Variants in PIAS2 observed in about 807,000 individuals in gnomAD.
The protein encoded by PIAS2 is E3 SUMO-protein ligase PIAS2.
PIAS2 carries 19 observed loss-of-function variants against 69.7 expected under a neutral mutation model. The ratio of observed to expected loss-of-function variants is 0.27; its 90% confidence interval spans 0.19 to 0.40. The LOEUF is 0.40. Ranked by LOEUF, PIAS2 falls within the 10% of genes least tolerant of loss-of-function variation. The pLI, the probability that PIAS2 is intolerant of heterozygous loss-of-function variation, is 1.00. For missense variants in PIAS2, 624 were observed against 757.0 expected (o/e 0.82, Z 2.06); for synonymous variants, 261 against 263.2 (o/e 0.99, Z 0.08).
At chr18:46,903,981 A>G (rs1479924018) in intron 1 of PIAS2, 4 of 152,230 alleles carry the variant, frequency 2.6e-5, no homozygotes, top group Non-Finnish European at 5.9e-5. Flanking sequence ...CCACTGTGTG[A>G]TTCTATTTAT....
intron 2 of PIAS2, among the ~76,000 whole-genome samples, chr18:46,878,021 G>A (rs1250277909): frequency 1.3e-5 from 2 of 152,154 alleles, no homozygotes; most frequent in Non-Finnish European, 2.9e-5. Flanking sequence ...TACTAAATGA[G>A]TAGGCTACTG....
Position 46,815,463 on chromosome 18 carries a change from C to T in PIAS2, c.1649-114G>A. 3 of 1,554,082 alleles carry T rather than the reference C, an allele frequency of 1.9e-6. No homozygotes were observed. The South Asian group carries it at 3.6e-5, about 19-fold the overall frequency. On this transcript the variant is annotated intron_variant, in intron 12 of 13. Coordinates refer to ENST00000585916, the MANE Select transcript of PIAS2 (RefSeq NM_004671.5). ...ACATTTGTGGTAAGTGCTTACCACT[C>T]TGTCACAGAGAAGTTCTATACCATG...
At chr18:46,851,182 G>C (rs562850287) in intron 5 of PIAS2, among the ~76,000 whole-genome samples, 14 of 152,274 alleles carry the variant, frequency 9.2e-5, no homozygotes, top group Admixed American at 2.0e-4. Context: ...ATAAATCCAT[G>C]AACTCAGAAA....
intron 11 of PIAS2, among the ~76,000 whole-genome samples, chr18:46,824,379 T>A (rs1366813565): frequency 6.6e-6 from 1 of 152,200 alleles, no homozygotes; most frequent in Non-Finnish European, 1.5e-5. Context: ...TTATCCTTAT[T>A]ATGTTTCCTG....
At chr18:46,855,103 TAAAAAAAAAAAAAAA>T (rs59957336) in intron 5 of PIAS2, among the ~76,000 whole-genome samples, 15 of 76,348 alleles carry the variant, frequency 2.0e-4, no homozygotes, top group African/African-American at 2.3e-4. Context: ...CTTGTCTCTT[TAAAAAAAAAAAAAAA>T]AAAAAAAAAA....
chr18:46,864,863 G>A (rs191002734), intron 2 of PIAS2, among the ~76,000 whole-genome samples: 1 of 151,768 alleles, frequency 6.6e-6, no homozygotes, highest in African/African-American at 2.4e-5. Flanking sequence ...CTAATGAAAG[G>A]AAGTCAAAAT....
Position 46,803,871 on chromosome 18 carries a change from C to G in PIAS2, c.*8562G>C, listed in dbSNP as rs1390922635. 1 of 152,088 alleles carries G rather than the reference C, an allele frequency of 6.6e-6. No individual in the cohort carries two copies. Among genetic ancestry groups the G allele is most frequent in the Non-Finnish European group, 1.5e-5 (1 of 68,040 alleles). The allele number at this position is 152,088 out of a possible 1,614,324, so 9.4% of individuals were successfully genotyped here. A position where few individuals can be genotyped will look rare whatever the true frequency, so the allele number is the denominator to read the frequency against. ...TTAATACACCTACTCCCATATTATC[C>G]CCACTGTGCACTGCTCTACCCACCC... On this transcript the variant is annotated 3_prime_UTR_variant, in exon 14 of 14. Coordinates refer to ENST00000585916, the MANE Select transcript of PIAS2 (RefSeq NM_004671.5).
At chr18:46,823,313 A>G (rs1381847364) in intron 11 of PIAS2, among the ~76,000 whole-genome samples, 2 of 152,050 alleles carry the variant, frequency 1.3e-5, no homozygotes, top group Admixed American at 1.3e-4. Flanking sequence ...GTACAAGAAA[A>G]AGCTAATGAA....
chr18:46,818,362 T>A, intron 12 of PIAS2: 1 of 1,533,430 alleles, frequency 6.5e-7, no homozygotes. Flanking sequence ...ACAAATTATT[T>A]GTTTTATTTT....
Position 46,820,982 on chromosome 18 carries a change from T to C in PIAS2, c.1599A>G (p.Ser533=), listed in dbSNP as rs1228212027. The C allele has an allele frequency of 1.2e-6, 2 of 1,613,484 alleles. No individual in the cohort carries two copies. Among genetic ancestry groups the C allele is most frequent in the East Asian group, 2.2e-5 (1 of 44,872 alleles). The part of the protein sequence containing the change: ...AAIPPSLTDY[S]VPFHHTPISS... The stretch of plus-strand genomic sequence containing the variant: ...ATATTGGCGTATGGTGGAATGGTAC[T>C]GAGTAGTCTGTTAATGAAGGCGGAA... Residue 533 remains serine, a synonymous_variant, in exon 12 of 14, where the codon TCA becomes TCG. Coordinates refer to ENST00000585916, the MANE Select transcript of PIAS2 (RefSeq NM_004671.5).
At chr18:46,912,903 T>C (rs888017409) in intron 1 of PIAS2, among the ~76,000 whole-genome samples, 5 of 152,074 alleles carry the variant, frequency 3.3e-5, no homozygotes, top group African/African-American at 1.2e-4. Context: ...AATGAGAGAA[T>C]AAAAAATGTG....
At chr18:46,873,486 G>A (rs912112030) in intron 2 of PIAS2, among the ~76,000 whole-genome samples, 3 of 152,180 alleles carry the variant, frequency 2.0e-5, no homozygotes, top group Non-Finnish European at 2.9e-5. Context: ...AGAAGCTCTT[G>A]CAGAAGTAGA....
chr18:46,872,933 TCCCTAGAAAAA>T (rs1272437840), intron 2 of PIAS2, among the ~76,000 whole-genome samples: 1 of 152,104 alleles, frequency 6.6e-6, no homozygotes, highest in African/African-American at 2.4e-5. Context: ...AGCCCTTCCT[TCCCTAGAAAAA>T]CCATTTCACC....
intron 2 of PIAS2, among the ~76,000 whole-genome samples, chr18:46,871,862 G>T (rs1040638042): frequency 1.3e-5 from 2 of 152,146 alleles, no homozygotes; most frequent in African/African-American, 4.8e-5. Flanking sequence ...CTAAAACTAG[G>T]TATAGGCCTA....
chr18:46,819,076 G>T (rs1483848314), intron 12 of PIAS2, among the ~76,000 whole-genome samples: 2 of 152,104 alleles, frequency 1.3e-5, no homozygotes, highest in Non-Finnish European at 2.9e-5. Flanking sequence ...GGTAAATTGT[G>T]TCTATGCTAC....
rs2043832888 is a variant in PIAS2, at chr18:46,832,719, C to T, written c.1203-2852G>A. ...CAGCCTGGCCACTATGGCGAAACCC[C>T]ATCTCTACTAAAGACACAAAAAATT... is the stretch of plus-strand genomic sequence containing the variant. On this transcript the variant is annotated intron_variant, in intron 9 of 13. Coordinates refer to ENST00000585916, the MANE Select transcript of PIAS2 (RefSeq NM_004671.5). Among the ~76,000 whole-genome samples the T allele has an allele frequency of 2.6e-5, 4 of 151,620 alleles. No homozygotes were observed. In the South Asian group the frequency reaches 8.3e-4, roughly 32 times the overall value.
intron 3 of PIAS2, among the ~76,000 whole-genome samples, chr18:46,860,756 C>A (rs150876790): frequency 6.6e-6 from 1 of 152,068 alleles, no homozygotes; most frequent in Non-Finnish European, 1.5e-5. Context: ...GAGGGAAGAT[C>A]ACTTGAGCAC....
At chr18:46,873,015 AC>A (rs2050607325) in intron 2 of PIAS2, among the ~76,000 whole-genome samples, 1 of 152,200 alleles carries the variant, frequency 6.6e-6, no homozygotes, top group South Asian at 2.1e-4. Flanking sequence ...CATGGGGGCC[AC>A]TGACAACCTG....
intron 1 of PIAS2, among the ~76,000 whole-genome samples, chr18:46,913,035 A>G (rs1053107676): frequency 2.0e-5 from 3 of 152,194 alleles, no homozygotes; most frequent in Non-Finnish European, 4.4e-5. Context: ...TTTCATAGAC[A>G]TGAGCTCAGG....
Sources: allele counts gnomAD v4.1 joint callset (sites outside exome capture counted in the v4.1 genomes callset), GRCh38; gene constraint gnomAD v4.1.1; transcripts MANE v1.5; gene names NCBI Gene and HGNC (gene_info 2026-07-23, HGNC 2026-07-21).